MYO3A: variants seen among roughly 807,000 people sequenced by gnomAD.
MYO3A encodes the protein myosin-IIIa.
MYO3A carries 180 observed loss-of-function variants against 192.7 expected under a neutral mutation model. That is an observed-to-expected ratio of 0.93 (90% CI 0.83 to 1.06). The LOEUF (loss-of-function observed/expected upper bound fraction) is 1.06, where lower values mean the gene tolerates loss of function less well. Among genes scored for constraint, MYO3A ranks in the 50% least tolerant of loss-of-function variants. The pLI, the probability that MYO3A is intolerant of heterozygous loss-of-function variation, is 0.00. For missense variants in MYO3A, 1,896 were observed against 1,905.0 expected (o/e 1.00, Z 0.09); for synonymous variants, 628 against 645.3 (o/e 0.97, Z 0.41).
intron 23 of MYO3A, among the ~76,000 whole-genome samples, chr10:26,150,086 C>T (rs1311868701): frequency 6.6e-6 from 1 of 151,438 alleles, no homozygotes; most frequent in African/African-American, 2.4e-5. Context: ...ATCCAATCAT[C>T]CATTGATGGA....
chr10:26,006,695 T>C (rs1588757826), intron 6 of MYO3A, among the ~76,000 whole-genome samples: 1 of 151,892 alleles, frequency 6.6e-6, no homozygotes, highest in East Asian at 1.9e-4. Flanking sequence ...AAGTTGAATC[T>C]CTGAATAGAC....
intron 26 of MYO3A, among the ~76,000 whole-genome samples, chr10:26,159,370 T>C (rs1052932300): frequency 8.7e-5 from 13 of 149,722 alleles, no homozygotes; most frequent in Non-Finnish European, 1.3e-4. Flanking sequence ...TTTCTTTTTT[T>C]TTTTTTTTAG....
At chr10:26,020,937 G>A (rs533177363) in intron 7 of MYO3A, among the ~76,000 whole-genome samples, 12 of 152,226 alleles carry the variant, frequency 7.9e-5, no homozygotes, top group Admixed American at 6.5e-4. Context: ...ACCACATCAA[G>A]GTTTATTTTT....
chr10:25,987,016 T>C (rs1200445452), intron 4 of MYO3A, among the ~76,000 whole-genome samples: 1 of 152,126 alleles, frequency 6.6e-6, no homozygotes. Context: ...AACAGGCACA[T>C]AGACCAACGG....
chr10:25,994,950 C>G (rs1435484998), intron 4 of MYO3A, among the ~76,000 whole-genome samples: 1 of 152,092 alleles, frequency 6.6e-6, no homozygotes, highest in Non-Finnish European at 1.5e-5. Flanking sequence ...ATATTTTTTC[C>G]TTCATTTCAA....
At chr10:26,020,833 C>G (rs1454889723) in intron 7 of MYO3A, among the ~76,000 whole-genome samples, 2 of 152,018 alleles carry the variant, frequency 1.3e-5, no homozygotes, top group Admixed American at 6.5e-5. Context: ...CTCTTTTTTC[C>G]TTGACTCTCA....
At chr10:26,138,905 A>G (rs994700233) in intron 20 of MYO3A, among the ~76,000 whole-genome samples, 1 of 152,228 alleles carries the variant, frequency 6.6e-6, no homozygotes, top group Admixed American at 6.5e-5. Context: ...CCAGGGAGCA[A>G]ACATCAACCT....
chr10:26,127,218 C>A (rs1839269829), intron 19 of MYO3A, among the ~76,000 whole-genome samples: 2 of 152,102 alleles, frequency 1.3e-5, no homozygotes, highest in African/African-American at 4.8e-5. Context: ...GCTTATGATT[C>A]CATTCCTCTT....
intron 20 of MYO3A, among the ~76,000 whole-genome samples, chr10:26,132,396 A>G (rs981817465): frequency 6.6e-6 from 1 of 152,212 alleles, no homozygotes; most frequent in Non-Finnish European, 1.5e-5. Context: ...TAGAACATAC[A>G]AAAGAAATGC....
chr10:26,074,295 CT>C (rs1376815672), intron 14 of MYO3A, among the ~76,000 whole-genome samples: 6 of 151,996 alleles, frequency 3.9e-5, no homozygotes, highest in South Asian at 2.1e-4. Flanking sequence ...ATTTAATTCA[CT>C]TTTTTCCTTA....
intron 31 of MYO3A, among the ~76,000 whole-genome samples, chr10:26,182,574 T>C (rs1842663564): frequency 6.6e-6 from 1 of 152,228 alleles, no homozygotes; most frequent in Non-Finnish European, 1.5e-5. Flanking sequence ...AAAATGACTA[T>C]GAACAGTCAA....
intron 22 of MYO3A, among the ~76,000 whole-genome samples, chr10:26,145,935 T>G (rs1196811537): frequency 6.6e-6 from 1 of 152,232 alleles, no homozygotes; most frequent in Non-Finnish European, 1.5e-5. Context: ...CCTATTTGTT[T>G]CCTTCTTGTA....
chr10:26,176,951 C>T, intron 31 of MYO3A, 106 bp downstream of exon 31: 2 of 1,329,880 alleles, frequency 1.5e-6, no homozygotes, highest in East Asian at 4.7e-5. Flanking sequence ...GAGCCTGTGT[C>T]CTGTCTTAGG....
At chr10:25,991,379 A>G (rs1840019563) in intron 4 of MYO3A, among the ~76,000 whole-genome samples, 1 of 151,938 alleles carries the variant, frequency 6.6e-6, no homozygotes, top group African/African-American at 2.4e-5. Context: ...TTTCTTGTAA[A>G]TTTGTTTGAG....
intron 14 of MYO3A, among the ~76,000 whole-genome samples, chr10:26,073,429 C>A (rs927783531): frequency 6.6e-6 from 1 of 151,830 alleles, no homozygotes; most frequent in African/African-American, 2.4e-5. Context: ...ATTAGCCAGG[C>A]GTGGTGGCAG....
At chr10:26,038,795 G>A (rs549446452) in intron 10 of MYO3A, among the ~76,000 whole-genome samples, 6 of 152,088 alleles carry the variant, frequency 3.9e-5, no homozygotes, top group South Asian at 4.1e-4. Context: ...TCCCCATTCC[G>A]TATGATAGTA....
At chr10:25,980,086 A>T (rs1167761244) in intron 4 of MYO3A, among the ~76,000 whole-genome samples, 2 of 152,014 alleles carry the variant, frequency 1.3e-5, no homozygotes, top group Non-Finnish European at 2.9e-5. Flanking sequence ...AAATACAAAA[A>T]ATTAGCCAGG....
At chr10:25,958,152 A>G (rs1291511300) in intron 4 of MYO3A, among the ~76,000 whole-genome samples, 1 of 152,074 alleles carries the variant, frequency 6.6e-6, no homozygotes, top group East Asian at 1.9e-4. Flanking sequence ...TCATCATGAA[A>G]TCTTTGCTGG....
At chr10:26,070,277 T>A in intron 13 of MYO3A, 41 bp from the exon 14 acceptor site, 1 of 1,605,516 alleles carries the variant, frequency 6.2e-7, no homozygotes, top group Non-Finnish European at 8.5e-7. Flanking sequence ...CACTTAATTT[T>A]GAGGATAAGG....
Sources: gnomAD v4.1 joint callset for allele counts (sites outside exome capture counted in the v4.1 genomes callset) on GRCh38, gnomAD v4.1.1 for gene constraint, MANE v1.5 for transcripts, NCBI Gene and HGNC (gene_info 2026-07-23, HGNC 2026-07-21) for gene names.